The following ZBTB16 variants were observed in gnomAD, a reference collection of about 807,000 sequenced individuals.
The protein encoded by ZBTB16 is zinc finger and BTB domain-containing protein 16.
In ZBTB16, 8 loss-of-function variants were observed where a neutral mutation model predicts 56.8. The observed-to-expected ratio is 0.14, with a 90% CI of 0.08 to 0.25. The LOEUF is 0.25. ZBTB16 is among the 10% of genes least tolerant of loss of function. The probability of loss-of-function intolerance (pLI) is 1.00; values close to 1 mark genes in which losing one functional copy is unlikely to be tolerated. For missense variants in ZBTB16, 625 were observed against 903.0 expected (o/e 0.69, Z 3.95); for synonymous variants, 363 against 368.5 (o/e 0.98, Z 0.17).
At chr11:114,075,906 C>T (rs1290173622) in intron 2 of ZBTB16, among the ~76,000 whole-genome samples, 1 of 152,136 alleles carries the variant, frequency 6.6e-6, no homozygotes, top group Non-Finnish European at 1.5e-5. Context: ...TTTTGTTTCT[C>T]CCATGAGTAA....
At chr11:114,088,917 G>GCC (rs537883860) in intron 2 of ZBTB16, among the ~76,000 whole-genome samples, 4 of 152,058 alleles carry the variant, frequency 2.6e-5, no homozygotes, top group East Asian at 3.9e-4. Flanking sequence ...TGGCCTGGGG[G>GCC]CCCCCCCACA....
chr11:114,136,975 C>T (rs1941813528), intron 2 of ZBTB16, among the ~76,000 whole-genome samples: 1 of 152,142 alleles, frequency 6.6e-6, no homozygotes, highest in South Asian at 2.1e-4. Context: ...TTCTATATAG[C>T]ATTTCTTTTC....
At chr11:114,148,454 T>TCTTC (rs1942191932) in intron 2 of ZBTB16, among the ~76,000 whole-genome samples, 1 of 70,740 alleles carries the variant, frequency 1.4e-5, no homozygotes, top group Non-Finnish European at 3.1e-5. Context: ...TCTCTGTCTG[T>TCTTC]CTGTCTCTCT....
chr11:114,115,156 G>T (rs1941131966), intron 2 of ZBTB16, among the ~76,000 whole-genome samples: 1 of 152,108 alleles, frequency 6.6e-6, no homozygotes. Context: ...CCTCGCCTGA[G>T]ACACTGGAGC....
At chr11:114,107,601 A>C (rs1488781490) in intron 2 of ZBTB16, among the ~76,000 whole-genome samples, 1 of 152,208 alleles carries the variant, frequency 6.6e-6, no homozygotes, top group East Asian at 1.9e-4. Flanking sequence ...ACTATTGTGT[A>C]GCTGTGAGAA....
intron 2 of ZBTB16, among the ~76,000 whole-genome samples, chr11:114,156,104 TG>T (rs1192456543): frequency 2.0e-5 from 3 of 152,154 alleles, no homozygotes; most frequent in African/African-American, 7.2e-5. Context: ...CATGTGTCAG[TG>T]GTAAAGCCCG....
Position 114,064,648 on chromosome 11 carries a change from G to C in ZBTB16, c.1268+80G>C, listed in dbSNP as rs1391585965. 2.6e-6 allele frequency: 4 copies of C among 1,550,158 alleles called. No homozygotes were observed. The East Asian group carries it at 7.0e-5, about 27-fold the overall frequency. ...TCCTTCACACCCTGGCTGCTCCCAAGTTAGGGGCCTGGCTCCCCTGTCTTG... is the reference window on the plus strand; with the variant it reads ...TCCTTCACACCCTGGCTGCTCCCAACTTAGGGGCCTGGCTCCCCTGTCTTG... On this transcript the variant is annotated intron_variant, in intron 2 of 6. Coordinates refer to ENST00000335953, the MANE Select transcript of ZBTB16 (RefSeq NM_006006.6). This position sits in a 1 kb window ranked among gnomAD's most constrained non-coding sequence, Gnocchi z 4.2.
intron 2 of ZBTB16, among the ~76,000 whole-genome samples, chr11:114,133,202 G>C (rs1318433545): frequency 2.0e-5 from 3 of 152,024 alleles, no homozygotes; most frequent in Non-Finnish European, 1.5e-5. Flanking sequence ...AGACTCTCTT[G>C]GTGGACGGGT....
At chr11:114,218,883 A>G (rs543043413) in intron 4 of ZBTB16, among the ~76,000 whole-genome samples, 2 of 152,372 alleles carry the variant, frequency 1.3e-5, no homozygotes, top group South Asian at 4.1e-4. Flanking sequence ...TATATTCTGC[A>G]AAACATGAAA....
intron 4 of ZBTB16, among the ~76,000 whole-genome samples, chr11:114,216,063 C>G (rs1018916522): frequency 3.9e-5 from 6 of 152,198 alleles, no homozygotes; most frequent in Admixed American, 2.0e-4. Flanking sequence ...TACCACCTCT[C>G]CCGCTTATCT....
Position 114,255,044 on chromosome 11 carries a change from A to G in ZBTB16, c.*4489A>G, listed in dbSNP as rs1397368272. On this transcript the variant is annotated 3_prime_UTR_variant, in exon 7 of 7. Transcript: ENST00000335953. Reference sequence around the variant, plus strand: ...ATTTGTTCACATAGTGTTATGCATGATCTTCGTAAGGTTAAGAAGCCGTGG... The same window carrying G: ...ATTTGTTCACATAGTGTTATGCATGGTCTTCGTAAGGTTAAGAAGCCGTGG... Among the ~76,000 whole-genome samples, 1 of 152,162 alleles carries G rather than the reference A, an allele frequency of 6.6e-6. No homozygotes were observed. The highest frequency in any genetic ancestry group is 1.5e-5 in the Non-Finnish European group (1 of 68,032).
At chr11:114,213,879 G>C (rs1944042735) in intron 4 of ZBTB16, among the ~76,000 whole-genome samples, 1 of 152,076 alleles carries the variant, frequency 6.6e-6, no homozygotes, top group Admixed American at 6.5e-5. Flanking sequence ...TGGTGAAGTG[G>C]GGTTTGATCC....
chr11:114,125,523 G>A (rs1426961376), intron 2 of ZBTB16, among the ~76,000 whole-genome samples: 1 of 151,784 alleles, frequency 6.6e-6, no homozygotes. Context: ...TCCACATGAT[G>A]TCATTCTTGT....
intron 2 of ZBTB16, among the ~76,000 whole-genome samples, chr11:114,119,693 A>C (rs752844926): frequency 3.9e-5 from 6 of 152,210 alleles, no homozygotes; most frequent in Middle Eastern, 3.2e-3. Flanking sequence ...CTCTCATCTC[A>C]TGAGCACCTG....
At chr11:114,073,639 C>T (rs899302227) in intron 2 of ZBTB16, among the ~76,000 whole-genome samples, 12 of 152,178 alleles carry the variant, frequency 7.9e-5, no homozygotes, top group African/African-American at 2.7e-4. Flanking sequence ...TGATTTTCTT[C>T]GGTGTGAACA....
In ZBTB16 at chr11:114,157,685, G is replaced by A. The variant is rs141358010; in HGVS notation, c.1366+1251G>A. ...CACTGCCTTGCTGCAGGGCCCATGT[G>A]GTTCCGCATTGTGTTGGATGTGGTC... On this transcript the variant is annotated intron_variant, in intron 3 of 6. Coordinates refer to ENST00000335953, the MANE Select transcript of ZBTB16 (RefSeq NM_006006.6). 6.9e-3 allele frequency among the ~76,000 whole-genome samples: 1,044 copies of A among 152,280 alleles called. 3 individuals carry two copies. The highest frequency in any genetic ancestry group is 0.011 in the Non-Finnish European group (751 of 68,028).
intron 4 of ZBTB16, among the ~76,000 whole-genome samples, chr11:114,237,534 C>T (rs913931422): frequency 6.6e-5 from 10 of 152,302 alleles, no homozygotes; most frequent in South Asian, 2.1e-4. Context: ...CCAGTGCTGC[C>T]GGGCCCCCCT....
chr11:114,200,272 C>T (rs1459493772), intron 4 of ZBTB16, among the ~76,000 whole-genome samples: 2 of 152,136 alleles, frequency 1.3e-5, no homozygotes, highest in African/African-American at 4.8e-5. Flanking sequence ...CACCAGTAGA[C>T]AAGAATTCCT....
In ZBTB16 at chr11:114,145,170, C is replaced by A. The variant is rs142339315; in HGVS notation, c.1269-11167C>A. On this transcript the variant is annotated intron_variant, in intron 2 of 6. Coordinates refer to ENST00000335953, the MANE Select transcript of ZBTB16 (RefSeq NM_006006.6). The stretch of plus-strand genomic sequence containing the variant: ...ATCTTTATTCATTTATTCACTTAGT[C>A]CAAAAATGTATTGAGAAATTGGAAA... 5.9e-3 allele frequency among the ~76,000 whole-genome samples: 903 copies of A among 152,244 alleles called. 8 individuals carry two copies. The highest frequency in any genetic ancestry group is 0.021 in the African/African-American group (868 of 41,522).
Sources: gnomAD v4.1 joint callset for allele counts (sites outside exome capture counted in the v4.1 genomes callset) on GRCh38, gnomAD v4.1.1 for gene constraint, Gnocchi (gnomAD v3.1) non-coding constraint, MANE v1.5 for transcripts, NCBI Gene and HGNC (gene_info 2026-07-23, HGNC 2026-07-21) for gene names.